Variants in HNMT observed in about 807,000 individuals in gnomAD.
HNMT encodes histamine N-methyltransferase.
In HNMT, 30 loss-of-function variants were observed where a neutral mutation model predicts 32.1. The ratio of observed to expected loss-of-function variants is 0.93; its 90% CI spans 0.70 to 1.27. The LOEUF (loss-of-function observed/expected upper bound fraction) is 1.27. Ranked by LOEUF, HNMT falls within the 50% of genes most tolerant of loss-of-function variation. HNMT has a pLI of 0.00. For synonymous variants in HNMT, 125 were observed against 119.0 expected, an observed-to-expected ratio of 1.05 and a Z score of -0.33; for missense variants, 327 against 346.0, an observed-to-expected ratio of 0.95 and a Z score of 0.43.
intron 5 of HNMT, among the ~76,000 whole-genome samples, chr2:138,007,326 A>G (rs1453179363): frequency 6.6e-6 from 1 of 152,000 alleles, no homozygotes; most frequent in Non-Finnish European, 1.5e-5. Flanking sequence ...AAATAAATAA[A>G]TTAAATATAA....
At chr2:137,981,363 A>C (rs1284187586) in intron 2 of HNMT, 6 of 1,612,376 alleles carry the variant, frequency 3.7e-6, no homozygotes, top group Non-Finnish European at 5.1e-6. Context: ...TTAGAAAGCA[A>C]ATCTGCATTT....
At position 138,015,230 on chromosome 2, in the gene HNMT, A is replaced by G. The variant is rs1224427251; in HGVS notation, c.*1100A>G. ...ATAACGCTCTGTTATTTTTGACATAAACAGTACATTTAATAATTAATAAAT... is the reference window on the plus strand; with the variant it reads ...ATAACGCTCTGTTATTTTTGACATAGACAGTACATTTAATAATTAATAAAT... On this transcript the variant is annotated 3_prime_UTR_variant, in exon 6 of 6. Transcript: ENST00000280097. The G allele has an allele frequency of 6.6e-6, 1 of 152,030 alleles. No homozygotes were observed. The highest frequency in any genetic ancestry group is 6.6e-5 in the Admixed American group (1 of 15,236). 9.4% of individuals were successfully genotyped at this position (152,030 alleles called of 1,614,324 possible). A position where few individuals can be genotyped will look rare whatever the true frequency, so the allele number is the denominator to read the frequency against.
At chr2:137,969,937 C>G (rs1458345329) in intron 1 of HNMT, among the ~76,000 whole-genome samples, 1 of 152,136 alleles carries the variant, frequency 6.6e-6, no homozygotes, top group Non-Finnish European at 1.5e-5. Flanking sequence ...CTGATATGTA[C>G]ATACTGCCAT....
chr2:138,007,593 G>A (rs949593223), intron 5 of HNMT, among the ~76,000 whole-genome samples: 4 of 151,890 alleles, frequency 2.6e-5, no homozygotes, highest in Non-Finnish European at 4.4e-5. Context: ...TACTCCTGAG[G>A]GTTCCTGGGG....
At chr2:137,989,996 T>A (rs1250722310) in intron 2 of HNMT, among the ~76,000 whole-genome samples, 1 of 152,224 alleles carries the variant, frequency 6.6e-6, no homozygotes, top group African/African-American at 2.4e-5. Context: ...TAGTAATCCT[T>A]TATCAGATAT....
At chr2:137,979,686 A>T (rs1680426597) in intron 2 of HNMT, among the ~76,000 whole-genome samples, 1 of 152,160 alleles carries the variant, frequency 6.6e-6, no homozygotes, top group Non-Finnish European at 1.5e-5. Flanking sequence ...TCATAGTTTA[A>T]CACTCAAGAG....
Position 138,014,507 on chromosome 2 carries a change from A to G in HNMT, c.*377A>G, listed in dbSNP as rs1228943688. On this transcript the variant is annotated 3_prime_UTR_variant, in exon 6 of 6. Coordinates refer to ENST00000280097, the MANE Select transcript of HNMT (RefSeq NM_006895.3). ...TTATTAGTGAAGTATGCACTAATCA[A>G]TACTTTGAACACAAAGCCTGTGTTA... 6.1e-6 allele frequency: 1 copy of G among 163,526 alleles called. No homozygotes were observed. Among genetic ancestry groups the G allele is most frequent in the Non-Finnish European group, 1.3e-5 (1 of 75,104 alleles). 10.1% of individuals were successfully genotyped at this position (163,526 alleles called of 1,614,324 possible).
intron 2 of HNMT, among the ~76,000 whole-genome samples, chr2:137,976,872 T>C (rs1216531486): frequency 6.6e-6 from 1 of 152,228 alleles, no homozygotes; most frequent in East Asian, 1.9e-4. Context: ...CATTGAGCTA[T>C]TGTTAAAGAC....
At chr2:137,978,424 T>C (rs1479653315) in intron 2 of HNMT, among the ~76,000 whole-genome samples, 3 of 144,690 alleles carry the variant, frequency 2.1e-5, no homozygotes, top group African/African-American at 7.5e-5. Context: ...TATAATATAG[T>C]ATTATATACA....
chr2:138,005,324 A>G (rs1681299560), intron 5 of HNMT, 99 bp downstream of exon 5: 2 of 737,108 alleles, frequency 2.7e-6, no homozygotes, highest in South Asian at 1.7e-5. Context: ...TGTCTTCATT[A>G]TGAAATTCTT....
At chr2:137,986,155 T>A (rs1300281000) in intron 2 of HNMT, among the ~76,000 whole-genome samples, 1 of 151,562 alleles carries the variant, frequency 6.6e-6, no homozygotes. Context: ...CTTGGAATAG[T>A]CACTTGCATA....
intron 4 of HNMT, chr2:138,002,693 C>G (rs1376186969): frequency 1.9e-6 from 1 of 516,968 alleles, no homozygotes; most frequent in Non-Finnish European, 2.5e-6. Context: ...GTGATCTTCC[C>G]TCTTCAACCT....
intron 1 of HNMT, among the ~76,000 whole-genome samples, chr2:137,966,189 T>C (rs1346018884): frequency 3.9e-5 from 6 of 152,310 alleles, no homozygotes; most frequent in South Asian, 2.1e-4. Context: ...ACTGTGCTAA[T>C]TGAGTGTGGA....
In HNMT at chr2:138,001,028, A is replaced by G; in HGVS notation, c.298+3A>G. ...TGAACAAATTGCCAAATACAAAGGT[A>G]CCTGTAACTCCTGGTCCTCTACACC... On this transcript the variant is annotated splice_donor_region_variant and intron_variant, in intron 3 of 5. Transcript: ENST00000280097. 6.5e-7 allele frequency: 1 copy of G among 1,528,114 alleles called. No homozygotes were observed. Among genetic ancestry groups the G allele is most frequent in the Non-Finnish European group, 9.0e-7 (1 of 1,106,284 alleles). The allele number at this position is 1,528,114 out of a possible 1,614,324, so 94.7% of individuals were successfully genotyped here.
At chr2:138,010,674 C>T (rs867315926) in intron 5 of HNMT, among the ~76,000 whole-genome samples, 3 of 152,064 alleles carry the variant, frequency 2.0e-5, no homozygotes, top group Middle Eastern at 3.4e-3. Flanking sequence ...TACAGAATTA[C>T]CCTAACTCAA....
chr2:138,006,184 G>A lies in HNMT; in HGVS notation c.523+959G>A, dbSNP rs567454799. ...GTTAAAAATACTCATTTATGTGGGAGAGGTCTCATTTCCCATTTAGAAGGG... is the reference window on the plus strand; with the variant it reads ...GTTAAAAATACTCATTTATGTGGGAAAGGTCTCATTTCCCATTTAGAAGGG... On this transcript the variant is annotated intron_variant, in intron 5 of 5. Coordinates refer to ENST00000280097, the MANE Select transcript of HNMT (RefSeq NM_006895.3). Among the ~76,000 whole-genome samples, 8 of 152,070 alleles carry A rather than the reference G, an allele frequency of 5.3e-5. No individual in the cohort carries two copies. In the South Asian group the frequency reaches 1.7e-3, roughly 32 times the overall value.
At chr2:137,997,683 A>G (rs1448699661) in intron 2 of HNMT, among the ~76,000 whole-genome samples, 2 of 152,230 alleles carry the variant, frequency 1.3e-5, no homozygotes, top group African/African-American at 4.8e-5. Flanking sequence ...GTATATACCC[A>G]AAGGAATATA....
chr2:137,999,745 AGAGG>A (rs139380350), intron 2 of HNMT, among the ~76,000 whole-genome samples: 15 of 152,296 alleles, frequency 9.8e-5, no homozygotes, highest in African/African-American at 3.6e-4. Context: ...GGCATCAGCA[AGAGG>A]GAGAGAAGAG....
chr2:137,999,474 G>T (rs1413285587), intron 2 of HNMT, among the ~76,000 whole-genome samples: 2 of 151,980 alleles, frequency 1.3e-5, no homozygotes, highest in African/African-American at 2.4e-5. Flanking sequence ...TATGCACCTG[G>T]ACCACTGTCT....
Sources: gnomAD v4.1 joint callset for allele counts (sites outside exome capture counted in the v4.1 genomes callset) on GRCh38, gnomAD v4.1.1 for gene constraint, MANE v1.5 for transcripts, NCBI Gene and HGNC (gene_info 2026-07-23, HGNC 2026-07-21) for gene names.